The following GMDS variants were observed in gnomAD, a reference collection of about 807,000 sequenced individuals.
The protein encoded by GMDS is GDP-mannose 4,6 dehydratase.
A neutral mutation model predicts 49.9 loss-of-function variants in GMDS; 20 were observed. The ratio of observed to expected loss-of-function variants is 0.40; its 90% CI spans 0.28 to 0.58. The LOEUF is 0.58. GMDS is among the 20% of genes least tolerant of loss of function. The pLI is 0.42. For synonymous variants in GMDS, 177 were observed against 178.6 expected (o/e 0.99, Z 0.07); for missense variants, 362 against 481.4 (o/e 0.75, Z 2.32).
In GMDS at chr6:2,052,277, TC is replaced by T. The variant is rs148568958; in HGVS notation, c.345+63493del. Among the ~76,000 whole-genome samples the T allele has an allele frequency of 8.7e-3, 1,332 of 152,252 alleles. 20 individuals are homozygous for T. The highest frequency in any genetic ancestry group is 0.031 in the African/African-American group (1,273 of 41,526). The stretch of plus-strand genomic sequence containing the variant: ...AGACAAATTTAGAATTGTTATCTCT[TC>T]CTAAGAATTGAACCTTTATATTACA... On this transcript the variant is annotated intron_variant, in intron 4 of 10. Transcript: ENST00000380815.
chr6:1,691,503 G>A (rs576817610), intron 9 of GMDS, among the ~76,000 whole-genome samples: 8 of 152,052 alleles, frequency 5.3e-5, no homozygotes, highest in African/African-American at 1.9e-4. Flanking sequence ...CATGGTCCCC[G>A]GAATTTAAAA....
At chr6:2,046,307 A>G (rs916655087) in intron 4 of GMDS, among the ~76,000 whole-genome samples, 3 of 152,264 alleles carry the variant, frequency 2.0e-5, no homozygotes, top group African/African-American at 7.2e-5. Context: ...AGATTTCTGA[A>G]AGCACATTGT....
At chr6:1,662,407 C>A (rs1390111396) in intron 9 of GMDS, among the ~76,000 whole-genome samples, 1 of 152,096 alleles carries the variant, frequency 6.6e-6, no homozygotes, top group Non-Finnish European at 1.5e-5. Flanking sequence ...TTGGGAACAG[C>A]TGGAGAAATG....
At chr6:1,967,161 C>T (rs1265580301) in intron 4 of GMDS, among the ~76,000 whole-genome samples, 1 of 152,188 alleles carries the variant, frequency 6.6e-6, no homozygotes, top group African/African-American at 2.4e-5. Flanking sequence ...CCCGTCCTTG[C>T]CATTCTATCC....
At chr6:1,785,677 C>T (rs778187842) in intron 7 of GMDS, among the ~76,000 whole-genome samples, 1 of 152,332 alleles carries the variant, frequency 6.6e-6, no homozygotes. Context: ...TCTGGGCAGC[C>T]ATGACCATCC....
intron 7 of GMDS, among the ~76,000 whole-genome samples, chr6:1,851,257 C>T (rs1363175385): frequency 2.0e-5 from 3 of 152,054 alleles, no homozygotes; most frequent in South Asian, 4.1e-4. Flanking sequence ...GGGGAAAGGC[C>T]GAGTGATTAG....
intron 7 of GMDS, among the ~76,000 whole-genome samples, chr6:1,928,463 T>C (rs78880366): frequency 0.013 from 1,970 of 151,880 alleles, 35 homozygotes; most frequent in African/African-American, 0.043. Context: ...ATTGAGAAAA[T>C]AATGTATTTT....
intron 7 of GMDS, among the ~76,000 whole-genome samples, chr6:1,750,427 G>A (rs1483071631): frequency 6.6e-6 from 1 of 152,184 alleles, no homozygotes; most frequent in East Asian, 1.9e-4. Context: ...TGCAGCCCAT[G>A]GAGGGTGAGC....
chr6:1,671,537 C>T (rs977460855), intron 9 of GMDS, among the ~76,000 whole-genome samples: 3 of 152,030 alleles, frequency 2.0e-5, no homozygotes, highest in Non-Finnish European at 4.4e-5. Flanking sequence ...CAAGCAAATA[C>T]GTAGAAACAC....
chr6:1,909,170 G>A (rs540053062), intron 7 of GMDS, among the ~76,000 whole-genome samples: 34 of 152,136 alleles, frequency 2.2e-4, no homozygotes, highest in Non-Finnish European at 4.0e-4. Flanking sequence ...AAGACTTTAC[G>A]GTTTTTGGAA....
intron 7 of GMDS, among the ~76,000 whole-genome samples, chr6:1,814,147 T>G (rs1160058368): frequency 6.6e-6 from 1 of 152,184 alleles, no homozygotes; most frequent in Admixed American, 6.5e-5. Context: ...GAATGTCAGT[T>G]CTAGCATAAG....
At chr6:1,892,557 C>T (rs920717164) in intron 7 of GMDS, among the ~76,000 whole-genome samples, 5 of 152,122 alleles carry the variant, frequency 3.3e-5, no homozygotes, top group African/African-American at 4.8e-5. Context: ...TGGGGTTTCA[C>T]CACATTGGTC....
At chr6:2,073,886 C>T (rs1253957092) in intron 4 of GMDS, among the ~76,000 whole-genome samples, 1 of 152,064 alleles carries the variant, frequency 6.6e-6, no homozygotes, top group Non-Finnish European at 1.5e-5. Context: ...TGTATATATA[C>T]CACATTTTCT....
chr6:1,852,562 A>C (rs1757727281), intron 7 of GMDS, among the ~76,000 whole-genome samples: 1 of 152,144 alleles, frequency 6.6e-6, no homozygotes, highest in African/African-American at 2.4e-5. Flanking sequence ...TCCACTAAAA[A>C]GGTGCGTTTC....
chr6:1,687,115 C>T (rs867339445), intron 9 of GMDS, among the ~76,000 whole-genome samples: 2 of 152,182 alleles, frequency 1.3e-5, no homozygotes, highest in South Asian at 4.1e-4. Flanking sequence ...AGAGGCGCCA[C>T]CCCGTTTGTC....
At chr6:1,832,411 T>C (rs1756702633) in intron 7 of GMDS, among the ~76,000 whole-genome samples, 1 of 151,330 alleles carries the variant, frequency 6.6e-6, no homozygotes, top group Non-Finnish European at 1.5e-5. Context: ...AAAAAAACAA[T>C]CCAAAACTCC....
In GMDS at chr6:1,624,062, C is replaced by G; in HGVS notation, c.*107G>C. ...GACAGCGCAGCGGCAGCAGGGGCCG[C>G]AGGGGACCCGCAGATTGGCACGCCG... On this transcript the variant is annotated 3_prime_UTR_variant, in exon 11 of 11. Transcript: ENST00000380815. 4 of 996,762 alleles carry G rather than the reference C, an allele frequency of 4.0e-6. No homozygotes were observed. Among genetic ancestry groups the G allele is most frequent in the Non-Finnish European group, 6.0e-6 (4 of 664,054 alleles). The allele number at this position is 996,762 out of a possible 1,614,324, so 61.7% of individuals were successfully genotyped here.
intron 7 of GMDS, among the ~76,000 whole-genome samples, chr6:1,792,697 A>G (rs1769591293): frequency 6.6e-6 from 1 of 152,184 alleles, no homozygotes; most frequent in South Asian, 2.1e-4. Context: ...TTGGTTTAGA[A>G]TTTCAAATTA....
intron 9 of GMDS, among the ~76,000 whole-genome samples, chr6:1,716,299 A>G (rs1463064192): frequency 6.6e-6 from 1 of 152,218 alleles, no homozygotes; most frequent in Non-Finnish European, 1.5e-5. Flanking sequence ...GGAACTGTTT[A>G]AGAATTTGTC....
Sources: allele counts gnomAD v4.1 joint callset (sites outside exome capture counted in the v4.1 genomes callset), GRCh38; gene constraint gnomAD v4.1.1; transcripts MANE v1.5; gene names NCBI Gene and HGNC (gene_info 2026-07-23, HGNC 2026-07-21).